The following ZNF274 variants were observed in gnomAD, a reference collection of about 807,000 sequenced individuals.
The protein encoded by ZNF274 is neurotrophin receptor-interacting factor homolog.
Under a neutral mutation model 42.5 loss-of-function variants are expected in ZNF274, and 23 were observed. That is an observed-to-expected ratio of 0.54 (90% CI 0.39 to 0.77). The LOEUF is 0.77. Ranked by LOEUF, ZNF274 falls within the 30% of genes least tolerant of loss-of-function variation. The pLI is 0.00. For missense variants in ZNF274, 679 were observed against 806.5 expected (o/e 0.84, Z 1.91); for synonymous variants, 292 against 305.4 (o/e 0.96, Z 0.46).
chr19:58,197,003 A>T (rs1030667439), intron 4 of ZNF274, among the ~76,000 whole-genome samples: 2 of 152,250 alleles, frequency 1.3e-5, no homozygotes, highest in East Asian at 3.8e-4. Flanking sequence ...GAGAGGATTC[A>T]TACTGGAAAA....
intron 4 of ZNF274, among the ~76,000 whole-genome samples, chr19:58,206,062 G>A (rs950498677): frequency 6.0e-5 from 9 of 149,910 alleles, no homozygotes; most frequent in South Asian, 2.1e-4. Flanking sequence ...GAAAGAAACC[G>A]CATACCCATT....
At chr19:58,183,548 A>T (rs969527609) in intron 1 of ZNF274, 106 bp downstream of exon 1, 1 of 172,688 alleles carries the variant, frequency 5.8e-6, no homozygotes, top group African/African-American at 2.4e-5. Context: ...GAGCTCGGGT[A>T]CCCTGAGCCG....
chr19:58,186,833 C>A, intron 3 of ZNF274, 114 bp from the exon 4 acceptor site: 1 of 848,248 alleles, frequency 1.2e-6, no homozygotes, highest in South Asian at 1.6e-5. Flanking sequence ...TGCTCTAGGC[C>A]AGAAGTCATG....
chr19:58,200,104 A>T (rs1479244910), intron 4 of ZNF274, among the ~76,000 whole-genome samples: 1 of 152,230 alleles, frequency 6.6e-6, no homozygotes, highest in Non-Finnish European at 1.5e-5. Flanking sequence ...GTGTTGAATC[A>T]ACAAATATTA....
rs1027048402 is a variant in ZNF274, at chr19:58,207,980, C to T, written c.739+778C>T. On this transcript the variant is annotated intron_variant, in intron 5 of 7. Transcript: ENST00000617501. This position sits in a 1 kb window ranked among gnomAD's most constrained non-coding sequence, Gnocchi z 5.6. ...GAGGCTGGACACAGGCTACCCGCAG[C>T]TATTGCCATGCCCTCTGATGGGGTG... is the stretch of plus-strand genomic sequence containing the variant. 1 of 152,524 alleles carries T rather than the reference C, an allele frequency of 6.6e-6. No individual in the cohort carries two copies. The highest frequency in any genetic ancestry group is 1.9e-4 in the East Asian group (1 of 5,184). 9.4% of individuals were successfully genotyped at this position (152,524 alleles called of 1,614,324 possible).
intron 4 of ZNF274, among the ~76,000 whole-genome samples, chr19:58,204,731 C>A (rs564794435): frequency 6.6e-6 from 1 of 152,270 alleles, no homozygotes; most frequent in Admixed American, 6.5e-5. Flanking sequence ...AACTGTGTTA[C>A]AACACTACCC....
In ZNF274 at chr19:58,212,966, C is replaced by T; in HGVS notation, c.1785C>T (p.Asp595=). The change falls in exon 8 of 8, where the codon GAC becomes GAT. Residue 595 remains aspartate (D), a synonymous_variant. Coordinates refer to ENST00000617501, the MANE Select transcript of ZNF274 (RefSeq NM_133502.3). This position sits in a 1 kb window ranked among gnomAD's most constrained non-coding sequence, Gnocchi z 4.6. ...HTGAKPYKCQ[D]CGKAFRQSSH... Reference sequence around the variant, plus strand: ...GCGCTAAGCCCTACAAGTGTCAGGACTGTGGAAAAGCCTTCCGCCAGAGCT... The same window carrying T: ...GCGCTAAGCCCTACAAGTGTCAGGATTGTGGAAAAGCCTTCCGCCAGAGCT... 1 of 1,614,016 alleles carries T rather than the reference C, an allele frequency of 6.2e-7. No individual in the cohort carries two copies. Among genetic ancestry groups the T allele is most frequent in the Non-Finnish European group, 8.5e-7 (1 of 1,179,896 alleles).
intron 4 of ZNF274, among the ~76,000 whole-genome samples, chr19:58,205,605 G>A (rs1034750238): frequency 6.6e-6 from 1 of 152,196 alleles, no homozygotes; most frequent in East Asian, 1.9e-4. Context: ...AAAGTGCAGG[G>A]ATCACAGGTG....
chr19:58,189,645 T>C (rs1047041293), intron 4 of ZNF274, among the ~76,000 whole-genome samples: 4 of 152,196 alleles, frequency 2.6e-5, no homozygotes, highest in African/African-American at 4.8e-5. Flanking sequence ...TAGCTGGCTT[T>C]AGCGATCTAT....
intron 4 of ZNF274, among the ~76,000 whole-genome samples, chr19:58,187,403 G>A (rs961982406): frequency 6.6e-6 from 1 of 152,106 alleles, no homozygotes; most frequent in African/African-American, 2.4e-5. Context: ...ACACATTTTG[G>A]GGGTGTTATA....
rs1411922172 is a variant in ZNF274 at position 58,197,410 on chromosome 19, G to A, written c.257-9310G>A. 2.0e-5 allele frequency among the ~76,000 whole-genome samples: 3 copies of A among 152,168 alleles called. No individual in the cohort carries two copies. In the East Asian group the frequency reaches 5.8e-4, roughly 29 times the overall value. ...TCTCATCCTATTTTTATATCATGTC[G>A]TAGAGAAGGCAAACCCTACATAAAA... is the stretch of plus-strand genomic sequence containing the variant. On this transcript the variant is annotated intron_variant, in intron 4 of 7. Coordinates refer to ENST00000617501, the MANE Select transcript of ZNF274 (RefSeq NM_133502.3).
chr19:58,204,030 A>G (rs998026985), intron 4 of ZNF274, among the ~76,000 whole-genome samples: 4 of 152,198 alleles, frequency 2.6e-5, no homozygotes, highest in Non-Finnish European at 5.9e-5. Context: ...ACCTCCAGCC[A>G]AACCTGTGCA....
At chr19:58,192,604 T>C (rs183116651) in intron 4 of ZNF274, among the ~76,000 whole-genome samples, 1 of 152,340 alleles carries the variant, frequency 6.6e-6, no homozygotes, top group Non-Finnish European at 1.5e-5. Flanking sequence ...ACTCACATCC[T>C]CCCATATAGC....
chr19:58,183,901 C>T lies in ZNF274; in HGVS notation c.-45-20C>T, dbSNP rs2075662413. The T allele has an allele frequency of 1.3e-6, 2 of 1,540,120 alleles. No individual in the cohort carries two copies. The highest frequency in any genetic ancestry group is 1.4e-5 in the African/African-American group (1 of 72,950). ...GACACCTTAAGCCTCTCCCTCCCCTCCCAACTTCGGTTTCCTCAGGACTCT... is the reference window on the plus strand; with the variant it reads ...GACACCTTAAGCCTCTCCCTCCCCTTCCAACTTCGGTTTCCTCAGGACTCT... On this transcript the variant is annotated intron_variant, in intron 1 of 7. Coordinates refer to ENST00000617501, the MANE Select transcript of ZNF274 (RefSeq NM_133502.3).
Position 58,212,323 on chromosome 19 carries a change from C to A in ZNF274, c.1142C>A (p.Thr381Lys). Reference protein sequence around the residue: ...LQGGVQEVQDTVLKQMESAQE... With the variant: ...LQGGVQEVQDKVLKQMESAQE... ...GGTGGGGTCCAGGAAGTCCAAGACA[C>A]AGTGTTGAAGCAGATGGAGTCTGCT... The change falls in exon 8 of 8, where the codon ACA becomes AAA. Residue 381 changes from threonine to lysine, a missense_variant. Around this residue, in one of 2 missense-constraint regions of ZNF274, gnomAD observed 456 missense variants for 590.1 expected, o/e 0.77. Transcript: ENST00000617501. The surrounding 1 kb of genome is among the most constrained non-coding windows in gnomAD (Gnocchi z 4.6). The A allele has an allele frequency of 6.2e-7, 1 of 1,613,976 alleles. No individual in the cohort carries two copies. Among genetic ancestry groups the A allele is most frequent in the East Asian group, 2.2e-5 (1 of 44,890 alleles).
chr19:58,187,520 C>G (rs1285721418), intron 4 of ZNF274, among the ~76,000 whole-genome samples: 1 of 152,132 alleles, frequency 6.6e-6, no homozygotes, highest in Non-Finnish European at 1.5e-5. Context: ...GTCCTGGACT[C>G]AAGCTGTCCT....
At chr19:58,200,432 AGT>A (rs2146223521) in intron 4 of ZNF274, among the ~76,000 whole-genome samples, 1 of 152,276 alleles carries the variant, frequency 6.6e-6, no homozygotes, top group Non-Finnish European at 1.5e-5. Flanking sequence ...GATGGTAATG[AGT>A]GTTGGAAAGA....
At chr19:58,201,171 A>AC (rs2075905955) in intron 4 of ZNF274, among the ~76,000 whole-genome samples, 1 of 112,710 alleles carries the variant, frequency 8.9e-6, no homozygotes, top group South Asian at 2.9e-4. Flanking sequence ...CGCCTGGCTA[A>AC]TTTTTTTTTT....
chr19:58,207,858 G>A lies in ZNF274; in HGVS notation c.739+656G>A, dbSNP rs559140692. On this transcript the variant is annotated intron_variant, in intron 5 of 7. Transcript: ENST00000617501. The surrounding 1 kb of genome is among the most constrained non-coding windows in gnomAD (Gnocchi z 5.6). Reference sequence around the variant, plus strand: ...ATGTTCTTCTAAAACAGTAGGGCTCGATCCCTGAGTTCCAGAAACTGGTGG... The same window carrying A: ...ATGTTCTTCTAAAACAGTAGGGCTCAATCCCTGAGTTCCAGAAACTGGTGG... Among the ~76,000 whole-genome samples, 1 of 152,228 alleles carries A rather than the reference G, an allele frequency of 6.6e-6. No individual in the cohort carries two copies. Among genetic ancestry groups the A allele is most frequent in the Non-Finnish European group, 1.5e-5 (1 of 68,044 alleles).
Sources: allele counts gnomAD v4.1 joint callset (sites outside exome capture counted in the v4.1 genomes callset), GRCh38; gene constraint gnomAD v4.1.1; regional missense constraint gnomAD v4.1.1; non-coding constraint Gnocchi (gnomAD v3.1); transcripts MANE v1.5; gene names NCBI Gene and HGNC (gene_info 2026-07-23, HGNC 2026-07-21).